KCNIP1: variants seen among roughly 807,000 people sequenced by gnomAD.
KCNIP1 encodes the protein potassium voltage-gated channel interacting protein 1.
KCNIP1 carries 18 observed loss-of-function variants against 33.0 expected under a neutral mutation model. The ratio of observed to expected loss-of-function variants is 0.55; its 90% CI spans 0.38 to 0.81. The LOEUF is 0.81. Among genes scored for constraint, KCNIP1 ranks in the 30% least tolerant of loss-of-function variants. The pLI, the probability that KCNIP1 is intolerant of heterozygous loss-of-function variation, is 0.00. For missense variants in KCNIP1, 238 were observed against 271.6 expected (o/e 0.88, Z 0.87); for synonymous variants, 93 against 98.3 (o/e 0.95, Z 0.32).
intron 1 of KCNIP1, among the ~76,000 whole-genome samples, chr5:170,450,279 G>A (rs1325012403): frequency 3.3e-5 from 5 of 152,148 alleles, no homozygotes; most frequent in Non-Finnish European, 5.9e-5. Flanking sequence ...GTGCCTGTGA[G>A]TGGCCCAGTC....
At chr5:170,376,158 T>TA (rs1387589564) in intron 1 of KCNIP1, 1 of 131,372 alleles carries the variant, frequency 7.6e-6, no homozygotes, top group Non-Finnish European at 1.6e-5. Context: ...TTCTTTTTTT[T>TA]TTTTTTTTTT....
intron 1 of KCNIP1, among the ~76,000 whole-genome samples, chr5:170,550,942 T>C (rs942043894): frequency 6.6e-6 from 1 of 152,206 alleles, no homozygotes; most frequent in African/African-American, 2.4e-5. Flanking sequence ...TTTAATTTCT[T>C]TGGAACAGGG....
At chr5:170,630,270 G>C (rs930811422) in intron 1 of KCNIP1, among the ~76,000 whole-genome samples, 2 of 152,230 alleles carry the variant, frequency 1.3e-5, no homozygotes, top group African/African-American at 4.8e-5. Context: ...TGGACGGATG[G>C]ATGGATGGAT....
intron 1 of KCNIP1, among the ~76,000 whole-genome samples, chr5:170,494,232 C>T (rs1757266487): frequency 2.0e-5 from 3 of 152,208 alleles, no homozygotes; most frequent in Admixed American, 1.3e-4. Flanking sequence ...GGCACGAATA[C>T]TAATGGATCA....
intron 1 of KCNIP1, among the ~76,000 whole-genome samples, chr5:170,494,790 C>T (rs531203454): frequency 3.0e-4 from 46 of 152,170 alleles, no homozygotes; most frequent in Non-Finnish European, 5.6e-4. Flanking sequence ...TCCACTGCTC[C>T]CATCTGCTTT....
intron 1 of KCNIP1, chr5:170,484,162 G>C (rs1248566732): frequency 6.6e-6 from 1 of 152,402 alleles, no homozygotes; most frequent in African/African-American, 2.4e-5. Context: ...CATCCAAGTT[G>C]CTCCTTCCAC....
At chr5:170,442,850 G>A (rs1032555182) in intron 1 of KCNIP1, among the ~76,000 whole-genome samples, 5 of 152,210 alleles carry the variant, frequency 3.3e-5, no homozygotes, top group Admixed American at 1.3e-4. Context: ...TTCTGATGTG[G>A]TTATGCATCA....
At chr5:170,375,713 C>T (rs1355591522) in intron 1 of KCNIP1, 2 of 152,320 alleles carry the variant, frequency 1.3e-5, no homozygotes, top group African/African-American at 2.4e-5. Flanking sequence ...CCTCACTTTA[C>T]AGATGGCCTT....
intron 1 of KCNIP1, among the ~76,000 whole-genome samples, chr5:170,544,910 G>A (rs575217352): frequency 3.5e-4 from 53 of 152,188 alleles, no homozygotes; most frequent in Non-Finnish European, 6.0e-4. Context: ...AGACATTATT[G>A]TCATTTTAAA....
At chr5:170,457,860 T>C (rs556605397) in intron 1 of KCNIP1, among the ~76,000 whole-genome samples, 52 of 152,236 alleles carry the variant, frequency 3.4e-4, no homozygotes, top group African/African-American at 1.2e-3. Context: ...CTGTTTCACC[T>C]GAAAAAGAAT....
chr5:170,447,991 A>C (rs1756159374), intron 1 of KCNIP1, among the ~76,000 whole-genome samples: 1 of 151,856 alleles, frequency 6.6e-6, no homozygotes, highest in African/African-American at 2.4e-5. Context: ...TCCCCTGAGA[A>C]GCCCTCCCAG....
intron 1 of KCNIP1, among the ~76,000 whole-genome samples, chr5:170,372,340 C>G (rs1763866850): frequency 6.6e-6 from 1 of 152,098 alleles, no homozygotes; most frequent in African/African-American, 2.4e-5. Flanking sequence ...TTGACGTGTT[C>G]ACCAACCCAG....
At chr5:170,618,188 G>A (rs183592618) in intron 1 of KCNIP1, among the ~76,000 whole-genome samples, 93 of 152,098 alleles carry the variant, frequency 6.1e-4, no homozygotes, top group African/African-American at 2.2e-3. Context: ...AGACAAAATG[G>A]GATGGTTTAA....
At chr5:170,391,228 T>C (rs764275723) in intron 1 of KCNIP1, among the ~76,000 whole-genome samples, 1 of 152,124 alleles carries the variant, frequency 6.6e-6, no homozygotes, top group African/African-American at 2.4e-5. Context: ...CCTGCTTCCC[T>C]GGGGGAGAGA....
intron 1 of KCNIP1, among the ~76,000 whole-genome samples, chr5:170,553,456 G>A (rs1276064640): frequency 6.6e-6 from 1 of 152,186 alleles, no homozygotes; most frequent in Non-Finnish European, 1.5e-5. Context: ...GGTAGCACTG[G>A]CCATCATTTA....
intron 1 of KCNIP1, among the ~76,000 whole-genome samples, chr5:170,657,180 G>C (rs752824301): frequency 2.9e-4 from 44 of 151,844 alleles, no homozygotes; most frequent in Non-Finnish European, 5.7e-4. Context: ...ATTTTTAGTA[G>C]AGATGGGGTT....
At chr5:170,454,445 A>G (rs1172123070) in intron 1 of KCNIP1, among the ~76,000 whole-genome samples, 4 of 152,236 alleles carry the variant, frequency 2.6e-5, no homozygotes, top group African/African-American at 9.6e-5. Flanking sequence ...AACAAATTCC[A>G]AGAAGTGGCC....
rs1764252240 is a variant in KCNIP1 at position 170,732,858 on chromosome 5, T to C, written c.494T>C (p.Val165Ala). Reference protein sequence around the residue: ...YDMMGKYTYPVLKEDTPRQHV... With the variant: ...YDMMGKYTYPALKEDTPRQHV... ...ATGATGGGGAAATACACATATCCTG[T>C]GCTCAAAGAGGACACTCCAAGGCAG... The change falls in exon 6 of 8, where the codon GTG (valine) becomes GCG (alanine). Residue 165 changes from valine to alanine, a missense_variant. Val to Ala is a moderately conservative substitution (Grantham distance 64). Transcript: ENST00000328939. The C allele has an allele frequency of 1.2e-6, 2 of 1,613,762 alleles. No individual in the cohort carries two copies. Among genetic ancestry groups the C allele is most frequent in the South Asian group, 1.1e-5 (1 of 91,066 alleles).
At chr5:170,479,462 G>C (rs1346167610) in intron 1 of KCNIP1, among the ~76,000 whole-genome samples, 2 of 152,262 alleles carry the variant, frequency 1.3e-5, no homozygotes, top group East Asian at 1.9e-4. Flanking sequence ...GCCTATCGAT[G>C]CTTAATAACC....
Sources: allele counts gnomAD v4.1 joint callset (sites outside exome capture counted in the v4.1 genomes callset), GRCh38; gene constraint gnomAD v4.1.1; transcripts MANE v1.5; gene names NCBI Gene and HGNC (gene_info 2026-07-23, HGNC 2026-07-21).